ARL6IP4: variants seen among roughly 807,000 people sequenced by gnomAD.
The protein encoded by ARL6IP4 is ARF like GTPase 6 interacting protein 4.
Under a neutral mutation model 28.1 loss-of-function variants are expected in ARL6IP4, and 24 were observed. The ratio of observed to expected loss-of-function variants is 0.86; its 90% CI spans 0.62 to 1.20. The LOEUF (loss-of-function observed/expected upper bound fraction) is 1.20. Ranked by LOEUF, ARL6IP4 falls within the 50% of genes most tolerant of loss-of-function variation. The probability of loss-of-function intolerance (pLI) is 0.00; values close to 1 mark genes in which losing one functional copy is unlikely to be tolerated. For synonymous variants in ARL6IP4, 162 were observed against 122.3 expected (o/e 1.32, Z -2.14); for missense variants, 343 against 302.4 (o/e 1.13, Z -1.00).
At position 122,982,097 on chromosome 12, in the gene ARL6IP4, T is replaced by TA. The variant is rs750909601; in HGVS notation, c.587+24dup. On this transcript the variant is annotated intron_variant, in intron 4 of 5. Coordinates refer to ENST00000315580, the MANE Select transcript of ARL6IP4 (RefSeq NM_018694.4). ...CAGGTGGGGAGCTTTCGGCCTGACT[T>TA]ACACCACAGGATCTGGGAGTGTTGG... 5 of 1,607,430 alleles carry TA rather than the reference T, an allele frequency of 3.1e-6. No individual in the cohort carries two copies. The East Asian group carries it at 6.7e-5, about 22-fold the overall frequency.
Position 122,981,480 on chromosome 12 carries a change from C to T in ARL6IP4, c.161-91C>T, listed in dbSNP as rs187628497. 133 of 1,410,476 alleles carry T rather than the reference C, an allele frequency of 9.4e-5. No homozygotes were observed. In the African/African-American group the frequency reaches 1.6e-3, roughly 16 times the overall value. 87.4% of individuals were successfully genotyped at this position (1,410,476 alleles called of 1,614,324 possible). On this transcript the variant is annotated intron_variant, in intron 2 of 5. Transcript: ENST00000315580. ...GCTCCATCTCTGTTCTGGAAAGCCC[C>T]TCAGGAAGCGCTCACCCTGTAGCCG... is the stretch of plus-strand genomic sequence containing the variant.
Position 122,982,629 on chromosome 12 carries a change from C to A in ARL6IP4, c.667C>A (p.Arg223=), listed in dbSNP as rs368158124. 1.9e-6 allele frequency: 3 copies of A among 1,613,974 alleles called. No individual in the cohort carries two copies. The highest frequency in any genetic ancestry group is 2.2e-5 in the East Asian group (1 of 44,894). The change falls in exon 6 of 6, where the codon CGA becomes AGA. Residue 223 remains arginine (R), a synonymous_variant. Transcript: ENST00000315580. ...GTGCTTTCTTCCCCAGCAAGCCACCCGAGGGGACTGCCTGGCCTTCCAGAT... is the reference window on the plus strand; with the variant it reads ...GTGCTTTCTTCCCCAGCAAGCCACCAGAGGGGACTGCCTGGCCTTCCAGAT... The part of the protein sequence containing the change: ...RHREINKQAT[R]GDCLAFQMRA...
upstream of ARL6IP4, chr12:122,980,338 G>T (rs1028268750): frequency 3.8e-6 from 5 of 1,306,294 alleles, no homozygotes; most frequent in Admixed American, 3.1e-5. Context: ...GAGTCACTGG[G>T]TGGGCGCGTC....
intron 1 of ARL6IP4, 155 bp downstream of exon 1, chr12:122,980,900 G>A (rs1380698285): frequency 7.4e-7 from 1 of 1,360,064 alleles, no homozygotes; most frequent in Non-Finnish European, 9.4e-7. Flanking sequence ...GCGCAGGCGT[G>A]GGGCCTCCGG....
rs1390353987 is a variant in ARL6IP4 at position 122,981,252 on chromosome 12, C to T, written c.113C>T (p.Ala38Val). The T allele has an allele frequency of 3.2e-6, 5 of 1,549,746 alleles. No individual in the cohort carries two copies. In the East Asian group the frequency reaches 9.8e-5, roughly 30 times the overall value. Residue 38 changes from alanine (A) to valine (V), a missense_variant, in exon 2 of 6, where the codon GCC becomes GTC. Transcript: ENST00000315580. The part of the protein sequence containing the change: ...SRKDTSRNCS[A>V]STSQGRKAST... ...AAAGACACCTCGAGGAACTGCTCGG[C>T]CTCCACATCCCAAGGTCGCAAGGCC...
Position 122,980,703 on chromosome 12 carries a change from G to A in ARL6IP4, c.-54G>A, listed in dbSNP as rs374657928. Reference sequence around the variant, plus strand: ...AGCCTCCTCGCCGCCGCTTCCTCTCGAGAAGGCGCGGGGCGGGCTGTCCGG... The same window carrying A: ...AGCCTCCTCGCCGCCGCTTCCTCTCAAGAAGGCGCGGGGCGGGCTGTCCGG... On this transcript the variant is annotated 5_prime_UTR_variant, in exon 1 of 6. Coordinates refer to ENST00000315580, the MANE Select transcript of ARL6IP4 (RefSeq NM_018694.4). 32 of 1,333,404 alleles carry A rather than the reference G, an allele frequency of 2.4e-5. No individual in the cohort carries two copies. In the Admixed American group the frequency reaches 2.8e-4, roughly 12 times the overall value. The allele number at this position is 1,333,404 out of a possible 1,614,324, so 82.6% of individuals were successfully genotyped here. A position where few individuals can be genotyped will look rare whatever the true frequency, so the allele number is the denominator to read the frequency against.
At position 122,981,751 on chromosome 12, in the gene ARL6IP4, A is replaced by AGAAGAAGAAGAG. The variant is rs763803204; in HGVS notation, c.349_360dup (p.Lys117_Lys120dup). 6.4e-7 allele frequency: 1 copy of AGAAGAAGAAGAG among 1,550,846 alleles called. No individual in the cohort carries two copies. The highest frequency in any genetic ancestry group is 8.7e-7 in the Non-Finnish European group (1 of 1,145,834). ...AAGTACAAGGACAAGAGGAGGAAGA[A>AGAAGAAGAAGAG]GAAGAAGAAGAGGAAGAAGCTGAAG... is the stretch of plus-strand genomic sequence containing the variant. On this transcript the variant is annotated inframe_insertion, in exon 3 of 6. Transcript: ENST00000315580.
intron 5 of ARL6IP4, 24 bp from the exon 6 acceptor site, chr12:122,982,596 C>G: frequency 6.2e-7 from 1 of 1,614,206 alleles, no homozygotes; most frequent in Non-Finnish European, 8.5e-7. Flanking sequence ...ATGTACCCCT[C>G]CTCCTGTGTG....
chr12:122,980,438 C>G, upstream of ARL6IP4: 2 of 1,361,672 alleles, frequency 1.5e-6, no homozygotes, highest in South Asian at 4.0e-5. Flanking sequence ...GCGAGGGTCG[C>G]CTTCTTCCCA....
At position 122,981,109 on chromosome 12, in the gene ARL6IP4, C is replaced by G. The variant is rs532104717; in HGVS notation, c.-11-20C>G. ...CCGGCCTTGGGGGCTTCGGCTCAAG[C>G]GCGTCTTCTTCGTCGCCAGCCCGCG... On this transcript the variant is annotated intron_variant, in intron 1 of 5. Coordinates refer to ENST00000315580, the MANE Select transcript of ARL6IP4 (RefSeq NM_018694.4). The G allele has an allele frequency of 2.6e-6, 4 of 1,545,906 alleles. No individual in the cohort carries two copies. The South Asian group carries it at 4.8e-5, about 18-fold the overall frequency.
rs759628367 is a variant in ARL6IP4, at chr12:122,981,261, C to G, written c.122C>G (p.Ser41Cys). ...TCGAGGAACTGCTCGGCCTCCACATCCCAAGGTCGCAAGGCCAGCACGGCC... is the reference window on the plus strand; with the variant it reads ...TCGAGGAACTGCTCGGCCTCCACATGCCAAGGTCGCAAGGCCAGCACGGCC... ...DTSRNCSAST[S>C]QGRKASTAPG... Residue 41 changes from serine (S) to cysteine (C), a missense_variant, in exon 2 of 6, where the codon TCC becomes TGC. Physicochemically the swap from Ser to Cys is moderately radical, Grantham distance 112. Transcript: ENST00000315580. 27 of 1,549,792 alleles carry G rather than the reference C, an allele frequency of 1.7e-5. 1 individual carries two copies. In the South Asian group the frequency reaches 3.1e-4, roughly 18 times the overall value.
chr12:122,980,935 A>G, intron 1 of ARL6IP4, 190 bp downstream of exon 1: 1 of 1,378,584 alleles, frequency 7.3e-7, no homozygotes, highest in South Asian at 1.7e-5. Flanking sequence ...CTTAACAGGC[A>G]CCGCTGCGGG....
chr12:122,981,568 C>G lies in ARL6IP4; in HGVS notation c.161-3C>G. 2 of 1,540,940 alleles carry G rather than the reference C, an allele frequency of 1.3e-6. No homozygotes were observed. The highest frequency in any genetic ancestry group is 8.7e-7 in the Non-Finnish European group (1 of 1,144,174). On this transcript the variant is annotated splice_polypyrimidine_tract_variant and splice_region_variant and intron_variant, in intron 2 of 5. Transcript: ENST00000315580. ...TTTACCTCTTCCCCTCCTGGCCTTC[C>G]AGCCTCACCTTCTCCCTGCATCACA...
In ARL6IP4 at chr12:122,982,518, C is replaced by G. The variant is rs775426499; in HGVS notation, c.637C>G (p.Arg213Gly). Residue 213 changes from arginine to glycine, a missense_variant, in exon 5 of 6, where the codon CGA becomes GGA. Coordinates refer to ENST00000315580, the MANE Select transcript of ARL6IP4 (RefSeq NM_018694.4). ...EVLEEIVTKERHREINKQATR... is the reference protein window; with the variant it reads ...EVLEEIVTKEGHREINKQATR... The stretch of plus-strand genomic sequence containing the variant: ...CCTAGAGGAAATCGTAACCAAAGAA[C>G]GACACAGAGAGATCAACAAGGTGGG... The G allele has an allele frequency of 1.2e-6, 2 of 1,614,166 alleles. No individual in the cohort carries two copies. The highest frequency in any genetic ancestry group is 2.2e-5 in the East Asian group (1 of 44,890).
Position 122,982,728 on chromosome 12 carries a change from A to T in ARL6IP4, c.*52A>T, listed in dbSNP as rs774186484. On this transcript the variant is annotated 3_prime_UTR_variant, in exon 6 of 6. Coordinates refer to ENST00000315580, the MANE Select transcript of ARL6IP4 (RefSeq NM_018694.4). Reference sequence around the variant, plus strand: ...ACGACGCTGGCGGCCCAGCCTGGGCAGGTTTCAGGGTGCCAGTGGGAAGCC... The same window carrying T: ...ACGACGCTGGCGGCCCAGCCTGGGCTGGTTTCAGGGTGCCAGTGGGAAGCC... 1.9e-6 allele frequency: 3 copies of T among 1,582,462 alleles called. No individual in the cohort carries two copies. The East Asian group carries it at 6.7e-5, about 35-fold the overall frequency.
chr12:122,981,672 TC>T lies in ARL6IP4; in HGVS notation c.263del (p.Ser88PhefsTer34). The T allele has an allele frequency of 6.4e-7, 1 of 1,554,878 alleles. No homozygotes were observed. The highest frequency in any genetic ancestry group is 8.7e-7 in the Non-Finnish European group (1 of 1,149,134). ...SSSSSSSSSS[S>X]SSSSSSSSSS... ...TTCTTCCAGTTCTTCTAGCTCCTCTTCTTCCTCCTCGTCCTCCTCCTCTTCC... is the reference window on the plus strand; with the variant it reads ...TTCTTCCAGTTCTTCTAGCTCCTCTTTTCCTCCTCGTCCTCCTCCTCTTCC... On this transcript the variant is annotated frameshift_variant, in exon 3 of 6. Transcript: ENST00000315580. LOFTEE classifies it high-confidence loss of function.
At chr12:122,982,365 G>A in intron 4 of ARL6IP4, 104 bp from the exon 5 acceptor site, 1 of 1,157,578 alleles carries the variant, frequency 8.6e-7, no homozygotes, top group Non-Finnish European at 1.2e-6. Flanking sequence ...CAAGGCTGCG[G>A]GGTGGGAGCC....
At chr12:122,981,075 C>A (rs1008779113) in intron 1 of ARL6IP4, 54 bp from the exon 2 acceptor site, 7 of 1,507,754 alleles carry the variant, frequency 4.6e-6, no homozygotes, top group Non-Finnish European at 5.3e-6. Context: ...CCTTGGAGCC[C>A]GCCCGCGGCC....
In ARL6IP4 at chr12:122,982,620, C is replaced by T; in HGVS notation, c.658C>T (p.Gln220Ter). The change falls in exon 6 of 6, where the codon CAA (glutamine) becomes TAA (stop). Residue 220 changes from glutamine (Q) to a stop codon, truncating the protein, a stop_gained and splice_region_variant. Coordinates refer to ENST00000315580, the MANE Select transcript of ARL6IP4 (RefSeq NM_018694.4). LOFTEE classifies it high-confidence loss of function. ...TKERHREINK[Q>*]ATRGDCLAFQ... ...TCCTCCTGTGTGCTTTCTTCCCCAG[C>T]AAGCCACCCGAGGGGACTGCCTGGC... The T allele has an allele frequency of 6.2e-7, 1 of 1,614,144 alleles. No homozygotes were observed. Among genetic ancestry groups the T allele is most frequent in the South Asian group, 1.1e-5 (1 of 91,082 alleles).
Sources: allele counts gnomAD v4.1 joint callset, GRCh38; gene constraint gnomAD v4.1.1; transcripts MANE v1.5; gene names NCBI Gene and HGNC (gene_info 2026-07-23, HGNC 2026-07-21).